Variants in ADGRD2 observed in about 807,000 individuals in gnomAD.
ADGRD2 encodes the protein adhesion G protein-coupled receptor D2.
In ADGRD2, 71 loss-of-function variants were observed where a neutral mutation model predicts 44.4. That is an observed-to-expected ratio of 1.60 (90% CI 1.32 to 1.95). The LOEUF (loss-of-function observed/expected upper bound fraction) is 1.95, where lower values mean the gene tolerates loss of function less well. ADGRD2 is among the 30% of genes most tolerant of loss of function. ADGRD2 has a pLI of 0.00. For synonymous variants in ADGRD2, 481 were observed against 224.8 expected, an observed-to-expected ratio of 2.14 and a Z score of -10.19; for missense variants, 1,039 against 512.4, an observed-to-expected ratio of 2.03 and a Z score of -9.92.
chr9:124,469,148 G>C (rs908699124), intron 14 of ADGRD2, 74 bp from the exon 18 acceptor site: 2 of 655,516 alleles, frequency 3.1e-6, no homozygotes, highest in African/African-American at 3.5e-5. Flanking sequence ...GCTGCGGCTT[G>C]GGGGGCGGAT....
rs1831572478 is a variant in ADGRD2 at position 124,454,386 on chromosome 9, C to T, written c.1023-98C>T. On this transcript the variant is annotated intron_variant, in intron 4 of 21. Coordinates refer to ENST00000334810, the Ensembl canonical transcript of ADGRD2. This position sits in a 1 kb window ranked among gnomAD's most constrained non-coding sequence, Gnocchi z 4.5. Reference sequence around the variant, plus strand: ...CACAGCCATCAAGGTGCTCTTCCTTCCCTGGGCAGCACGTGGTGGGTGGAG... The same window carrying T: ...CACAGCCATCAAGGTGCTCTTCCTTTCCTGGGCAGCACGTGGTGGGTGGAG... 1.5e-6 allele frequency: 1 copy of T among 650,690 alleles called. No individual in the cohort carries two copies. Among genetic ancestry groups the T allele is most frequent in the Admixed American group, 2.2e-5 (1 of 45,938 alleles). 40.3% of individuals were successfully genotyped at this position (650,690 alleles called of 1,614,324 possible).
Position 124,468,546 on chromosome 9 carries a change from A to G in ADGRD2, c.2263A>G (p.Met755Val), listed in dbSNP as rs369370566. Residue 755 changes from methionine to valine, a missense_variant, in exon 14 of 22, where the codon ATG becomes GTG. Physicochemically the swap from Met to Val is conservative, Grantham distance 21. Coordinates refer to ENST00000334810, the Ensembl canonical transcript of ADGRD2. ...GGCATGTGTGGCTGTCACAGTCGCAATGCACTTCCTCTTTCTGGTGGCATT... is the reference window on the plus strand; with the variant it reads ...GGCATGTGTGGCTGTCACAGTCGCAGTGCACTTCCTCTTTCTGGTGGCATT... 238 of 718,582 alleles carry G rather than the reference A, an allele frequency of 3.3e-4. No individual in the cohort carries two copies. The African/African-American group carries it at 3.6e-3, about 11-fold the overall frequency. The allele number at this position is 718,582 out of a possible 1,614,324, so 44.5% of individuals were successfully genotyped here. A position where few individuals can be genotyped will look rare whatever the true frequency, so the allele number is the denominator to read the frequency against.
chr9:124,472,463 GTT>G (rs1831965686), intron 17 of ADGRD2, among the ~76,000 whole-genome samples: 1 of 128,196 alleles, frequency 7.8e-6, no homozygotes, highest in Non-Finnish European at 1.6e-5. Context: ...TTTGTTTTTT[GTT>G]TGTTTTTTGT....
chr9:124,455,627 G>A (rs116271061), intron 6 of ADGRD2, among the ~76,000 whole-genome samples: 2,533 of 152,082 alleles, frequency 0.017, 54 homozygotes, highest in African/African-American at 0.052. Flanking sequence ...AATAGCTTCT[G>A]TAGTTAAATG....
intron 12 of ADGRD2, 72 bp from the exon 16 acceptor site, chr9:124,468,016 C>A: frequency 1.4e-6 from 1 of 716,832 alleles, no homozygotes; most frequent in Non-Finnish European, 2.6e-6. Flanking sequence ...GGGGATCGGG[C>A]AGGACAGGGC....
intron 1 of ADGRD2, 64 bp downstream of exon 4, chr9:124,452,218 AG>A: frequency 1.5e-6 from 1 of 667,736 alleles, no homozygotes; most frequent in South Asian, 1.7e-5. Flanking sequence ...CTGTGATCCA[AG>A]GGGTGCACTG....
At position 124,455,061 on chromosome 9, in the gene ADGRD2, C is replaced by G. The variant is rs926840986; in HGVS notation, c.1329C>G (p.Gly443=). The G allele has an allele frequency of 4.2e-6, 3 of 717,640 alleles. No homozygotes were observed. The South Asian group carries it at 4.4e-5, about 11-fold the overall frequency. 44.5% of individuals were successfully genotyped at this position (717,640 alleles called of 1,614,324 possible). The stretch of plus-strand genomic sequence containing the variant: ...GCCCCTGGGAGCAGCTGAGCCAAGG[C>G]GTTGTATCTGTGGCCAGCCTGGTCC... Residue 443 remains glycine (G), a synonymous_variant, in exon 6 of 22, where the codon GGC becomes GGG. Transcript: ENST00000334810.
At position 124,464,424 on chromosome 9, in the gene ADGRD2, C is replaced by T. The variant is rs1472862970; in HGVS notation, c.1871-1834C>T. Among the ~76,000 whole-genome samples, 4 of 152,288 alleles carry T rather than the reference C, an allele frequency of 2.6e-5. 1 individual carries two copies. Among genetic ancestry groups the T allele is most frequent in the Non-Finnish European group, 2.9e-5 (2 of 68,028 alleles). ...AAGCATGGCGCTGCGTAATCTCGAG[C>T]AGGTTAACCCTCCTTTCTGAGCCTC... On this transcript the variant is annotated intron_variant, in intron 10 of 21. Transcript: ENST00000334810.
chr9:124,463,440 T>C (rs1303411224), intron 10 of ADGRD2, among the ~76,000 whole-genome samples: 2 of 152,218 alleles, frequency 1.3e-5, no homozygotes, highest in East Asian at 3.8e-4. Flanking sequence ...TGTTCTGTAG[T>C]TTCTTGTACT....
chr9:124,462,519 C>T (rs1285854527), intron 10 of ADGRD2, among the ~76,000 whole-genome samples: 2 of 152,186 alleles, frequency 1.3e-5, no homozygotes, highest in African/African-American at 4.8e-5. Flanking sequence ...GAACTGGCAT[C>T]TTTCAATTCA....
In ADGRD2 at chr9:124,454,379, C is replaced by G. The variant is rs1831572358; in HGVS notation, c.1023-105C>G. ...CTGGACACACAGCCATCAAGGTGCT[C>G]TTCCTTCCCTGGGCAGCACGTGGTG... On this transcript the variant is annotated intron_variant, in intron 4 of 21. Coordinates refer to ENST00000334810, the Ensembl canonical transcript of ADGRD2. This position sits in a 1 kb window ranked among gnomAD's most constrained non-coding sequence, Gnocchi z 4.5. 6 of 640,252 alleles carry G rather than the reference C, an allele frequency of 9.4e-6. No homozygotes were observed. Among genetic ancestry groups the G allele is most frequent in the Non-Finnish European group, 1.2e-5 (4 of 345,670 alleles). 39.7% of individuals were successfully genotyped at this position (640,252 alleles called of 1,614,324 possible).
intron 12 of ADGRD2, 101 bp from the exon 16 acceptor site, chr9:124,467,987 C>T (rs1227802887): frequency 1.4e-6 from 1 of 709,900 alleles, no homozygotes; most frequent in Non-Finnish European, 2.6e-6. Flanking sequence ...CTCTCTTTCC[C>T]TCCATCTGCC....
At chr9:124,452,871 G>C in intron 2 of ADGRD2, 149 bp downstream of exon 5, 1 of 606,640 alleles carries the variant, frequency 1.6e-6, no homozygotes, top group South Asian at 2.0e-5. Flanking sequence ...ACTGGGCGTC[G>C]GGGCTTGACT....
intron 14 of ADGRD2, among the ~76,000 whole-genome samples, 178 bp downstream of exon 17, chr9:124,468,850 A>G (rs1336207490): frequency 6.6e-6 from 1 of 151,918 alleles, no homozygotes; most frequent in African/African-American, 2.4e-5. Flanking sequence ...ACATGACCTC[A>G]ATTTCCTCAG....
At chr9:124,458,173 T>G (rs1473393757) in exon 9 of ADGRD2, 2 of 718,384 alleles carry the variant, frequency 2.8e-6, no homozygotes, top group Non-Finnish European at 5.2e-6. Context: ...CAGCACACCC[T>G]AGAGGGACCG....
Position 124,454,996 on chromosome 9 carries a change from G to A in ADGRD2, c.1264G>A (p.Val422Met), listed in dbSNP as rs114623089. The change falls in exon 6 of 22, where the codon GTG (valine) becomes ATG (methionine). Residue 422 changes from valine (V) to methionine (M), a missense_variant. Transcript: ENST00000334810. The surrounding 1 kb of genome is among the most constrained non-coding windows in gnomAD (Gnocchi z 4.5). Reference sequence around the variant, plus strand: ...TGTTGTCCGCTTCCTGAAGAGGGTGGTGGCCCTCGGGGCTGGGGACCCAGA... The same window carrying A: ...TGTTGTCCGCTTCCTGAAGAGGGTGATGGCCCTCGGGGCTGGGGACCCAGA... The A allele has an allele frequency of 6.1e-3, 4,376 of 718,388 alleles. 71 individuals carry two copies. The highest frequency in any genetic ancestry group is 0.042 in the African/African-American group (2,406 of 57,412). 44.5% of individuals were successfully genotyped at this position (718,388 alleles called of 1,614,324 possible).
intron 10 of ADGRD2, chr9:124,465,125 G>A (rs907495514): frequency 2.0e-5 from 3 of 152,840 alleles, no homozygotes; most frequent in South Asian, 2.1e-4. Flanking sequence ...CACCTGTGAC[G>A]CATGGTGGGC....
chr9:124,459,545 G>C (rs1188099258), intron 10 of ADGRD2, among the ~76,000 whole-genome samples: 2 of 152,058 alleles, frequency 1.3e-5, no homozygotes, highest in Non-Finnish European at 2.9e-5. Context: ...CCATATGGGA[G>C]GGTTTCGCCA....
intron 17 of ADGRD2, among the ~76,000 whole-genome samples, chr9:124,474,148 G>A (rs1482948352): frequency 6.6e-6 from 1 of 152,120 alleles, no homozygotes; most frequent in African/African-American, 2.4e-5. Flanking sequence ...GGTGGCACAT[G>A]CCTGTAGTCC....
Sources: gnomAD v4.1 joint callset for allele counts (sites outside exome capture counted in the v4.1 genomes callset) on GRCh38, gnomAD v4.1.1 for gene constraint, Gnocchi (gnomAD v3.1) non-coding constraint, MANE v1.5 for transcripts, NCBI Gene and HGNC (gene_info 2026-07-23, HGNC 2026-07-21) for gene names.